Variants in ZNF385D observed in about 807,000 individuals in gnomAD.
ZNF385D encodes the protein zinc finger protein 659.
In ZNF385D, 15 loss-of-function variants were observed where a neutral mutation model predicts 35.8. The observed-to-expected ratio is 0.42, with a 90% CI of 0.28 to 0.64. The LOEUF is 0.64. ZNF385D is among the 30% of genes least tolerant of loss of function. The probability of loss-of-function intolerance (pLI) is 0.23; values close to 1 mark genes in which losing one functional copy is unlikely to be tolerated. For synonymous variants in ZNF385D, 212 were observed against 186.8 expected, an observed-to-expected ratio of 1.13 and a Z score of -1.10; for missense variants, 474 against 494.6, an observed-to-expected ratio of 0.96 and a Z score of 0.39.
chr3:22,323,380 T>G (rs1694535504), intron 2 of ZNF385D, among the ~76,000 whole-genome samples: 1 of 152,036 alleles, frequency 6.6e-6, no homozygotes, highest in South Asian at 2.1e-4. Flanking sequence ...AGTAAGTAAG[T>G]AGATGAGACT....
At position 21,483,245 on chromosome 3, in the gene ZNF385D, T is replaced by C. The variant is rs1704769441; in HGVS notation, c.439+27616A>G. 3.3e-5 allele frequency among the ~76,000 whole-genome samples: 5 copies of C among 152,170 alleles called. No individual in the cohort carries two copies. The South Asian group carries it at 1.0e-3, about 31-fold the overall frequency. ...CATAAGTGGAATAGTAAAAGATGGA[T>C]CACTTTGAGATTGGTTTTGTTCACT... On this transcript the variant is annotated intron_variant, in intron 4 of 7. Coordinates refer to ENST00000281523, the MANE Select transcript of ZNF385D (RefSeq NM_024697.3).
At chr3:22,145,010 A>ATGTGTGTGTGTG (rs36060381) in intron 3 of ZNF385D, among the ~76,000 whole-genome samples, 198 of 149,034 alleles carry the variant, frequency 1.3e-3, no homozygotes, top group African/African-American at 4.6e-3. Flanking sequence ...GAAGATACAT[A>ATGTGTGTGTGTG]TGTGTGTGTG....
intron 3 of ZNF385D, among the ~76,000 whole-genome samples, chr3:22,107,050 G>GTTTTTTTTTTTTTTTTTTT (rs1702259499): frequency 1.6e-5 from 1 of 61,002 alleles, no homozygotes; most frequent in Non-Finnish European, 4.3e-5. Flanking sequence ...TTTAGACAGA[G>GTTTTTTTTTTTTTTTTTTT]TTTTGCTCTT....
chr3:22,154,482 G>C (rs1046869400), intron 3 of ZNF385D, among the ~76,000 whole-genome samples: 1 of 152,178 alleles, frequency 6.6e-6, no homozygotes, highest in Non-Finnish European at 1.5e-5. Context: ...CTCTCTGCCA[G>C]AAGGCAACTG....
At chr3:22,211,206 G>A (rs1168880006) in intron 2 of ZNF385D, among the ~76,000 whole-genome samples, 1 of 151,918 alleles carries the variant, frequency 6.6e-6, no homozygotes, top group Non-Finnish European at 1.5e-5. Flanking sequence ...AATATTTATA[G>A]TTATTATTAT....
chr3:22,136,356 T>G (rs943029356), intron 3 of ZNF385D, among the ~76,000 whole-genome samples: 3 of 151,292 alleles, frequency 2.0e-5, no homozygotes, highest in Non-Finnish European at 4.4e-5. Context: ...CCACTTTATT[T>G]CCGCCTGGGC....
At chr3:21,483,026 T>C (rs1444724203) in intron 4 of ZNF385D, among the ~76,000 whole-genome samples, 1 of 152,174 alleles carries the variant, frequency 6.6e-6, no homozygotes, top group Admixed American at 6.6e-5. Flanking sequence ...TAACATGTAA[T>C]CTTGTTTAAA....
At chr3:22,220,108 G>T in intron 2 of ZNF385D, among the ~76,000 whole-genome samples, 1 of 148,732 alleles carries the variant, frequency 6.7e-6, no homozygotes, top group African/African-American at 2.5e-5. Flanking sequence ...TTGTCATTCA[G>T]GCTGGATTGC....
intron 1 of ZNF385D, among the ~76,000 whole-genome samples, chr3:21,684,785 T>C (rs546157999): frequency 4.6e-5 from 7 of 152,256 alleles, no homozygotes; most frequent in Admixed American, 2.0e-4. Context: ...ATTCTGAACA[T>C]ATTAGCTAGT....
chr3:21,802,255 C>CA (rs2072439386), intron 3 of ZNF385D, among the ~76,000 whole-genome samples: 1 of 151,874 alleles, frequency 6.6e-6, no homozygotes, highest in East Asian at 1.9e-4. Context: ...ATGCTGTTTC[C>CA]AAAAAAAGTG....
At chr3:22,281,312 C>A (rs1701726309) in intron 2 of ZNF385D, among the ~76,000 whole-genome samples, 1 of 152,038 alleles carries the variant, frequency 6.6e-6, no homozygotes, top group South Asian at 2.1e-4. Flanking sequence ...TTGTCTTGAT[C>A]CAGTTCTTAA....
At chr3:21,911,886 T>C (rs1699980753) in intron 3 of ZNF385D, among the ~76,000 whole-genome samples, 1 of 151,934 alleles carries the variant, frequency 6.6e-6, no homozygotes, top group Admixed American at 6.6e-5. Context: ...TTAAATTTCC[T>C]AGAAGTCATA....
At chr3:21,742,979 T>G (rs1373739960) in intron 1 of ZNF385D, among the ~76,000 whole-genome samples, 1 of 152,260 alleles carries the variant, frequency 6.6e-6, no homozygotes, top group African/African-American at 2.4e-5. Context: ...TACTTTCCAG[T>G]GCTAGGCACT....
intron 3 of ZNF385D, among the ~76,000 whole-genome samples, chr3:22,084,346 G>A (rs1398057665): frequency 6.6e-6 from 1 of 152,136 alleles, no homozygotes; most frequent in Non-Finnish European, 1.5e-5. Flanking sequence ...CTCATGTGCA[G>A]AGACACATAC....
At chr3:22,100,650 C>A (rs1227491590) in intron 3 of ZNF385D, among the ~76,000 whole-genome samples, 1 of 126,580 alleles carries the variant, frequency 7.9e-6, no homozygotes, top group Non-Finnish European at 1.5e-5. Context: ...CACATGGACA[C>A]AGGAAGGGGA....
chr3:22,331,086 C>A (rs549392953), intron 2 of ZNF385D, among the ~76,000 whole-genome samples: 7 of 152,132 alleles, frequency 4.6e-5, no homozygotes, highest in African/African-American at 1.7e-4. Flanking sequence ...TGTTTATTGA[C>A]GTGTAAGTCC....
At chr3:21,795,133 G>T (rs908423965) in intron 3 of ZNF385D, among the ~76,000 whole-genome samples, 3 of 152,148 alleles carry the variant, frequency 2.0e-5, no homozygotes, top group Non-Finnish European at 4.4e-5. Flanking sequence ...TCCAGCCCTG[G>T]TTGTCCTCAG....
chr3:21,476,639 G>C (rs1349512510), intron 4 of ZNF385D, among the ~76,000 whole-genome samples: 2 of 152,096 alleles, frequency 1.3e-5, no homozygotes, highest in East Asian at 1.9e-4. Flanking sequence ...TATTTGTTGT[G>C]AGGTAAGAGT....
intron 3 of ZNF385D, among the ~76,000 whole-genome samples, chr3:21,862,894 T>C (rs1383882087): frequency 1.3e-5 from 2 of 152,250 alleles, no homozygotes; most frequent in East Asian, 3.9e-4. Context: ...TGTTTCAGAA[T>C]TTCTGGAGCT....
Sources: allele counts gnomAD v4.1 joint callset (sites outside exome capture counted in the v4.1 genomes callset), GRCh38; gene constraint gnomAD v4.1.1; transcripts MANE v1.5; gene names NCBI Gene and HGNC (gene_info 2026-07-23, HGNC 2026-07-21).